Variants in ACKR3 observed in about 807,000 individuals in gnomAD.
The protein encoded by ACKR3 is C-X-C chemokine receptor type 7.
ACKR3 carries 6 observed loss-of-function variants against 22.4 expected under a neutral mutation model. The observed-to-expected ratio is 0.27, with a 90% CI of 0.15 to 0.53. The LOEUF is 0.53. ACKR3 is among the 20% of genes least tolerant of loss of function. The pLI, the probability that ACKR3 is intolerant of heterozygous loss-of-function variation, is 0.96. For missense variants in ACKR3, 396 were observed against 475.2 expected, an observed-to-expected ratio of 0.83 and a Z score of 1.55; for synonymous variants, 209 against 205.2, an observed-to-expected ratio of 1.02 and a Z score of -0.16.
chr2:236,539,730 T>C, the ACKR3 span, among the ~76,000 whole-genome samples: 1 of 152,208 alleles, frequency 6.6e-6, no homozygotes, highest in African/African-American at 2.4e-5. Context: ...TCTGTTCTCA[T>C]GATGCTAATA....
the ACKR3 span, among the ~76,000 whole-genome samples, chr2:236,540,314 C>A: frequency 6.6e-6 from 1 of 151,138 alleles, no homozygotes; most frequent in Non-Finnish European, 1.5e-5. Context: ...TGCTTAATGA[C>A]CATTCATGTA....
rs1410897186 is a variant in ACKR3 at position 236,581,822 on chromosome 2, A to G, written c.*268A>G. 6.2e-6 allele frequency: 2 copies of G among 323,636 alleles called. No homozygotes were observed. The highest frequency in any genetic ancestry group is 1.2e-5 in the Non-Finnish European group (2 of 168,238). The allele number at this position is 323,636 out of a possible 1,614,324, so 20.0% of individuals were successfully genotyped here. A position where few individuals can be genotyped will look rare whatever the true frequency, so the allele number is the denominator to read the frequency against. On this transcript the variant is annotated 3_prime_UTR_variant, in exon 2 of 2. Coordinates refer to ENST00000272928, the MANE Select transcript of ACKR3 (RefSeq NM_020311.3). This position sits in a 1 kb window ranked among gnomAD's most constrained non-coding sequence, Gnocchi z 4.4. ...GCCAGCTGAGGACAGGCTTGCCTGG[A>G]CTTCTGTAAGATAGGATTTTCTGTG...
intron 1 of ACKR3, among the ~76,000 whole-genome samples, chr2:236,571,639 A>AC (rs1559471237): frequency 6.6e-6 from 1 of 151,364 alleles, no homozygotes; most frequent in African/African-American, 2.4e-5. Context: ...AAAAAAAAAA[A>AC]AAACCCAAAA....
chr2:236,568,874 T>A (rs1266335069), upstream of ACKR3, among the ~76,000 whole-genome samples: 1 of 152,176 alleles, frequency 6.6e-6, no homozygotes, highest in Non-Finnish European at 1.5e-5. Context: ...AGCCGCTCTT[T>A]AAGAACTCCA....
chr2:236,538,078 T>C, the ACKR3 span, among the ~76,000 whole-genome samples: 1 of 152,044 alleles, frequency 6.6e-6, no homozygotes, highest in Admixed American at 6.5e-5. Flanking sequence ...TTCAAAGAGG[T>C]TTTGTTTTCT....
At chr2:236,551,507 C>T in the ACKR3 span, among the ~76,000 whole-genome samples, 36,402 of 152,062 alleles carry the variant, frequency 0.24, 6,376 homozygotes, top group African/African-American at 0.5. Context: ...AGGGGCCATC[C>T]TGCCACCTGA....
chr2:236,551,891 C>A, the ACKR3 span, among the ~76,000 whole-genome samples: 1 of 152,176 alleles, frequency 6.6e-6, no homozygotes, highest in East Asian at 1.9e-4. Context: ...GACAGCGTTG[C>A]CCTGGTCCCG....
At chr2:236,567,921 T>G (rs1355349220), upstream of ACKR3, 1 of 106,326 alleles carries the variant, frequency 9.4e-6, no homozygotes, top group East Asian at 2.6e-4. Flanking sequence ...CGCGGGGCTG[T>G]GGGAGGGCGC....
the ACKR3 span, among the ~76,000 whole-genome samples, chr2:236,539,310 T>TC: frequency 7.3e-5 from 10 of 137,600 alleles, no homozygotes; most frequent in Admixed American, 2.2e-4. Context: ...TCTTTTCTTT[T>TC]TTTTTTTTTT....
chr2:236,537,776 C>T, the ACKR3 span, among the ~76,000 whole-genome samples: 2,157 of 152,350 alleles, frequency 0.014, 50 homozygotes, highest in African/African-American at 0.05. Flanking sequence ...AGCTTCATCA[C>T]CCACGTGCTC....
the ACKR3 span, among the ~76,000 whole-genome samples, chr2:236,543,856 A>G: frequency 6.7e-6 from 1 of 150,026 alleles, no homozygotes; most frequent in African/African-American, 2.4e-5. Context: ...TAAAATTACT[A>G]TATCGTTATA....
At chr2:236,549,902 T>A in the ACKR3 span, among the ~76,000 whole-genome samples, 1 of 152,156 alleles carries the variant, frequency 6.6e-6, no homozygotes, top group South Asian at 2.1e-4. The surrounding 1 kb of genome is among the most constrained non-coding windows in gnomAD (Gnocchi z 5.3). Context: ...GTAAACAGTG[T>A]TTACAAATCA....
chr2:236,556,274 G>A, the ACKR3 span, among the ~76,000 whole-genome samples: 2 of 152,188 alleles, frequency 1.3e-5, no homozygotes, highest in Non-Finnish European at 1.5e-5. Flanking sequence ...CGCTTGCCAC[G>A]GAGATGGGAG....
intron 1 of ACKR3, among the ~76,000 whole-genome samples, chr2:236,578,675 T>A (rs911247210): frequency 3.3e-5 from 5 of 152,176 alleles, no homozygotes; most frequent in Admixed American, 1.3e-4. Context: ...GGTCCTCTGC[T>A]GTGAATGTGG....
the ACKR3 span, among the ~76,000 whole-genome samples, chr2:236,557,328 G>A: frequency 6.6e-6 from 1 of 151,920 alleles, no homozygotes; most frequent in Admixed American, 6.6e-5. Flanking sequence ...GAGCCTGGAA[G>A]TTGCAACACA....
At chr2:236,573,444 C>T (rs576429706) in intron 1 of ACKR3, among the ~76,000 whole-genome samples, 1 of 152,312 alleles carries the variant, frequency 6.6e-6, no homozygotes, top group East Asian at 1.9e-4. Flanking sequence ...GTCTCTTCAC[C>T]CGGCCTGGCC....
chr2:236,547,459 C>T, the ACKR3 span, among the ~76,000 whole-genome samples: 2 of 152,246 alleles, frequency 1.3e-5, no homozygotes, highest in South Asian at 2.1e-4. Context: ...TTGGATTTAC[C>T]GACAAGCAGA....
At chr2:236,540,994 C>T in the ACKR3 span, among the ~76,000 whole-genome samples, 3 of 152,230 alleles carry the variant, frequency 2.0e-5, no homozygotes, top group African/African-American at 4.8e-5. Flanking sequence ...CATCTTACTG[C>T]ACAGCTCCTT....
At chr2:236,543,966 TATATATATATATATATATATATATATAC>T in the ACKR3 span, among the ~76,000 whole-genome samples, 270 of 65,390 alleles carry the variant, frequency 4.1e-3, 3 homozygotes, top group African/African-American at 0.033. Context: ...TATATATATA[TATATATATATATATATATATATATATAC>T]ACTTTTTTTT....
Sources: gnomAD v4.1 joint callset for allele counts (sites outside exome capture counted in the v4.1 genomes callset) on GRCh38, gnomAD v4.1.1 for gene constraint, Gnocchi (gnomAD v3.1) non-coding constraint, MANE v1.5 for transcripts, NCBI Gene and HGNC (gene_info 2026-07-23, HGNC 2026-07-21) for gene names.